The following ZNF717 variants were observed in gnomAD, a reference collection of about 807,000 sequenced individuals.
ZNF717 encodes zinc finger protein 717.
In ZNF717, 9 loss-of-function variants were observed where a neutral mutation model predicts 13.8. The ratio of observed to expected loss-of-function variants is 0.65; its 90% CI spans 0.39 to 1.14. ZNF717 has a LOEUF of 1.14. Among genes scored for constraint, ZNF717 ranks in the 50% most tolerant of loss-of-function variants. The pLI is 0.01. For synonymous variants in ZNF717, 327 were observed against 364.1 expected (o/e 0.90, Z 1.16); for missense variants, 1,040 against 1,080.7 (o/e 0.96, Z 0.53).
intron 2 of ZNF717, among the ~76,000 whole-genome samples, chr3:75,777,612 T>C (rs1389799512): frequency 1.3e-5 from 2 of 151,478 alleles, no homozygotes; most frequent in Non-Finnish European, 2.9e-5. Flanking sequence ...GGGAGTGATT[T>C]GCTAAAACCG....
At chr3:75,748,071 G>A (rs796513476) in intron 2 of ZNF717, among the ~76,000 whole-genome samples, 99 of 152,204 alleles carry the variant, frequency 6.5e-4, no homozygotes, top group African/African-American at 2.1e-3. Context: ...ACACCTCTAC[G>A]CAAATAAACT....
chr3:75,777,647 T>C (rs1269839260), intron 2 of ZNF717, among the ~76,000 whole-genome samples: 5 of 151,128 alleles, frequency 3.3e-5, no homozygotes, highest in Non-Finnish European at 7.4e-5. Flanking sequence ...GGGAGTGATA[T>C]GCTAAAACCG....
At chr3:75,716,137 ATTT>A (rs142722374) in intron 5 of ZNF717, among the ~76,000 whole-genome samples, 1 of 139,738 alleles carries the variant, frequency 7.2e-6, no homozygotes, top group Non-Finnish European at 1.5e-5. Flanking sequence ...TGCCTGGCTA[ATTT>A]TTTTTTTTTT....
chr3:75,701,264 C>T (rs1308291252), intron 6 of ZNF717, among the ~76,000 whole-genome samples: 2 of 152,412 alleles, frequency 1.3e-5, no homozygotes, highest in African/African-American at 4.8e-5. Flanking sequence ...TACATGCTCT[C>T]GTCTGGTGTC....
At chr3:75,728,791 G>C (rs1311108552), downstream of ZNF717, among the ~76,000 whole-genome samples, 7 of 152,214 alleles carry the variant, frequency 4.6e-5, no homozygotes, top group African/African-American at 1.7e-4. Context: ...CCAGTCTTGA[G>C]TATTTCTTCA....
chr3:75,763,728 A>G (rs1330435616), intron 2 of ZNF717, among the ~76,000 whole-genome samples: 3 of 152,278 alleles, frequency 2.0e-5, no homozygotes, highest in Non-Finnish European at 1.5e-5. Flanking sequence ...CATCAAACTA[A>G]AATTACTAGA....
At chr3:75,758,157 A>G (rs1942661733) in intron 2 of ZNF717, among the ~76,000 whole-genome samples, 1 of 151,722 alleles carries the variant, frequency 6.6e-6, no homozygotes, top group South Asian at 2.1e-4. Context: ...TAAGTTGTCA[A>G]GATTATTCCA....
intron 6 of ZNF717, among the ~76,000 whole-genome samples, chr3:75,700,012 A>T (rs1274396003): frequency 6.6e-6 from 1 of 152,420 alleles, no homozygotes; most frequent in African/African-American, 2.4e-5. Flanking sequence ...AATTGGAAAG[A>T]TATTTTTATG....
chr3:75,767,281 G>A (rs555866324), intron 2 of ZNF717, among the ~76,000 whole-genome samples: 41 of 68,384 alleles, frequency 6.0e-4, no homozygotes, highest in South Asian at 2.0e-3. Flanking sequence ...ACACCACACC[G>A]CTGTGCTTTC....
At chr3:75,775,845 C>CT (rs1267300862) in intron 2 of ZNF717, among the ~76,000 whole-genome samples, 1 of 138,570 alleles carries the variant, frequency 7.2e-6, no homozygotes, top group Non-Finnish European at 1.5e-5. Flanking sequence ...GAGTGAGACT[C>CT]TGTCTCAAAA....
chr3:75,753,406 C>T (rs141995842), intron 2 of ZNF717, among the ~76,000 whole-genome samples: 5 of 26,712 alleles, frequency 1.9e-4, no homozygotes, highest in Admixed American at 3.8e-4. Context: ...TGAATGTTTG[C>T]CTCTCACATA....
intron 2 of ZNF717, among the ~76,000 whole-genome samples, chr3:75,754,708 T>C (rs574835462): frequency 6.6e-6 from 1 of 151,832 alleles, no homozygotes; most frequent in Admixed American, 6.6e-5. Flanking sequence ...TCCAAGACTG[T>C]GGGACAACTA....
chr3:75,732,960 T>C (rs1938715201), downstream of ZNF717, among the ~76,000 whole-genome samples: 1 of 152,158 alleles, frequency 6.6e-6, no homozygotes, highest in Non-Finnish European at 1.5e-5. Context: ...AGTAGTATGC[T>C]AAGGGCTCTG....
At chr3:75,727,948 C>T (rs1167612986), downstream of ZNF717, among the ~76,000 whole-genome samples, 1 of 152,252 alleles carries the variant, frequency 6.6e-6, no homozygotes, top group Non-Finnish European at 1.5e-5. Context: ...CTTTATTTCT[C>T]AGACCAGCCA....
downstream of ZNF717, among the ~76,000 whole-genome samples, chr3:75,705,555 G>A (rs1357566888): frequency 7.9e-5 from 12 of 152,300 alleles, no homozygotes; most frequent in African/African-American, 2.4e-4. Flanking sequence ...TGTGCAACGC[G>A]TTATTAATTT....
chr3:75,703,676 T>G (rs1937741235), intron 6 of ZNF717, among the ~76,000 whole-genome samples: 1 of 152,306 alleles, frequency 6.6e-6, no homozygotes, highest in Non-Finnish European at 1.5e-5. Context: ...GAGGACTAAT[T>G]TTACTGTTTT....
chr3:75,761,713 AAACT>A (rs1230328284), intron 2 of ZNF717, among the ~76,000 whole-genome samples: 16 of 152,386 alleles, frequency 1.0e-4, no homozygotes, highest in African/African-American at 3.8e-4. Flanking sequence ...GCATTTCTGT[AAACT>A]AACAATGAAC....
intron 2 of ZNF717, among the ~76,000 whole-genome samples, chr3:75,767,957 T>C (rs1056395487): frequency 7.4e-5 from 11 of 149,102 alleles, no homozygotes; most frequent in African/African-American, 2.7e-4. Flanking sequence ...GCAGAGAAAG[T>C]TGGTCAACGG....
chr3:75,756,348 C>T (rs199593293), intron 2 of ZNF717, among the ~76,000 whole-genome samples: 1 of 128,734 alleles, frequency 7.8e-6, no homozygotes, highest in African/African-American at 2.7e-5. Context: ...CAATTAATAA[C>T]CCTACAATAG....
Sources: gnomAD v4.1 joint callset for allele counts (sites outside exome capture counted in the v4.1 genomes callset) on GRCh38, gnomAD v4.1.1 for gene constraint, MANE v1.5 for transcripts, NCBI Gene and HGNC (gene_info 2026-07-23, HGNC 2026-07-21) for gene names.